CHD7: variants seen among roughly 807,000 people sequenced by gnomAD.
The protein encoded by CHD7 is chromodomain helicase DNA binding protein 7.
Under a neutral mutation model 307.3 loss-of-function variants are expected in CHD7, and 24 were observed. The observed-to-expected ratio is 0.08, with a 90% confidence interval of 0.06 to 0.11. The LOEUF is 0.11. Among genes scored for constraint, CHD7 ranks in the 10% least tolerant of loss-of-function variants. The pLI is 1.00. For missense variants in CHD7, 3,106 were observed against 3,727.1 expected (o/e 0.83, Z 4.34); for synonymous variants, 1,363 against 1,349.9 (o/e 1.01, Z -0.21).
At chr8:60,762,536 A>T (rs1810265571) in intron 2 of CHD7, among the ~76,000 whole-genome samples, 1 of 152,210 alleles carries the variant, frequency 6.6e-6, no homozygotes, top group African/African-American at 2.4e-5. Context: ...TGGGAATCAT[A>T]CTTGGACCTA....
Position 60,681,113 on chromosome 8 carries a change from T to C in CHD7, c.-175+2031T>C, listed in dbSNP as rs548125552. 2.0e-5 allele frequency among the ~76,000 whole-genome samples: 3 copies of C among 152,338 alleles called. No homozygotes were observed. In the South Asian group the frequency reaches 6.2e-4, roughly 32 times the overall value. ...GAAGAGGAAACAAAATACGTGTCTT[T>C]ATTTCTTCACTGATCTTGTCTGACG... is the stretch of plus-strand genomic sequence containing the variant. On this transcript the variant is annotated intron_variant, in intron 1 of 37. Transcript: ENST00000423902.
intron 2 of CHD7, among the ~76,000 whole-genome samples, chr8:60,778,529 G>A (rs1478829708): frequency 6.6e-6 from 1 of 152,132 alleles, no homozygotes; most frequent in African/African-American, 2.4e-5. Context: ...ATTCATTACT[G>A]TGTGCTGGGG....
intron 7 of CHD7, among the ~76,000 whole-genome samples, chr8:60,810,858 T>A (rs1812769045): frequency 6.6e-6 from 1 of 152,164 alleles, no homozygotes; most frequent in Non-Finnish European, 1.5e-5. Flanking sequence ...CAGTGTCCTG[T>A]TAGGAACCTG....
intron 15 of CHD7, among the ~76,000 whole-genome samples, chr8:60,831,058 A>G (rs998782889): frequency 1.3e-5 from 2 of 152,210 alleles, no homozygotes; most frequent in Non-Finnish European, 2.9e-5. Context: ...AGAACAAAAA[A>G]ATTAACTTAA....
chr8:60,745,098 C>T (rs1809260167), intron 2 of CHD7, among the ~76,000 whole-genome samples: 1 of 151,764 alleles, frequency 6.6e-6, no homozygotes, highest in Non-Finnish European at 1.5e-5. Flanking sequence ...GGGCAGAACG[C>T]CTCTCCTCAA....
At position 60,852,070 on chromosome 8, in the gene CHD7, C is replaced by G. The variant is rs1389567181; in HGVS notation, c.5717C>G (p.Thr1906Ser). ...AELGQLYWPN[T>S]STLTTRLRRL... ...TTAGGCCAACTTTACTGGCCTAACACTTCAACCCTGACTACACGTCTGCGC... is the reference window on the plus strand; with the variant it reads ...TTAGGCCAACTTTACTGGCCTAACAGTTCAACCCTGACTACACGTCTGCGC... The change falls in exon 29 of 38, where the codon ACT (threonine) becomes AGT (serine). Residue 1906 changes from threonine (T) to serine (S), a missense_variant. Coordinates refer to ENST00000423902, the MANE Select transcript of CHD7 (RefSeq NM_017780.4). The G allele has an allele frequency of 1.2e-6, 2 of 1,613,934 alleles. No individual in the cohort carries two copies. The highest frequency in any genetic ancestry group is 1.7e-6 in the Non-Finnish European group (2 of 1,179,850).
intron 13 of CHD7, among the ~76,000 whole-genome samples, chr8:60,826,516 T>C (rs960945849): frequency 4.6e-5 from 7 of 152,230 alleles, no homozygotes; most frequent in African/African-American, 1.7e-4. Flanking sequence ...TTAGTAACTA[T>C]ATCCAACTAC....
rs893616829 is a variant in CHD7, at chr8:60,746,001, C to T, written c.1665+2904C>T. Among the ~76,000 whole-genome samples, 7 of 152,138 alleles carry T rather than the reference C, an allele frequency of 4.6e-5. No homozygotes were observed. In the South Asian group the frequency reaches 6.2e-4, roughly 14 times the overall value. On this transcript the variant is annotated intron_variant, in intron 2 of 37. Coordinates refer to ENST00000423902, the MANE Select transcript of CHD7 (RefSeq NM_017780.4). ...TGCAAACCTTGCTACATAATTATGT[C>T]ATTTCCCATGTAGATACAATGTAAA...
intron 1 of CHD7, among the ~76,000 whole-genome samples, chr8:60,725,038 A>T (rs1409616546): frequency 1.3e-5 from 2 of 152,216 alleles, no homozygotes; most frequent in Non-Finnish European, 2.9e-5. Context: ...AAGAACTGTT[A>T]TCTTTTACTC....
At chr8:60,721,596 TG>T (rs1217439378) in intron 1 of CHD7, among the ~76,000 whole-genome samples, 2 of 152,318 alleles carry the variant, frequency 1.3e-5, no homozygotes, top group Non-Finnish European at 2.9e-5. Flanking sequence ...TCAAAATGCT[TG>T]GTAAAGCAGA....
intron 3 of CHD7, among the ~76,000 whole-genome samples, chr8:60,787,708 T>C (rs894560563): frequency 5.3e-5 from 8 of 152,224 alleles, no homozygotes; most frequent in African/African-American, 1.9e-4. Flanking sequence ...GCCAAAGTGT[T>C]AATGTCTGTG....
At chr8:60,788,402 A>G (rs984569623) in intron 3 of CHD7, among the ~76,000 whole-genome samples, 2 of 152,118 alleles carry the variant, frequency 1.3e-5, no homozygotes, top group African/African-American at 4.8e-5. Context: ...TGGCTTCCCA[A>G]AGTGCTGGGT....
At chr8:60,861,330 A>G (rs989469258) in intron 35 of CHD7, 1 of 521,430 alleles carries the variant, frequency 1.9e-6, no homozygotes, top group Non-Finnish European at 3.4e-6. Context: ...GCAGCCTTAC[A>G]GTTATTTGAA....
At position 60,852,066 on chromosome 8, in the gene CHD7, A is replaced by G. The variant is rs1244745262; in HGVS notation, c.5713A>G (p.Asn1905Asp). The change falls in exon 29 of 38, where the codon AAC becomes GAC. Residue 1905 changes from asparagine (N) to aspartate (D), a missense_variant. By Grantham distance (23) the Asn-to-Asp change is conservative. This residue lies in a region of CHD7 where 1,030 missense variants were observed against 1,165.4 expected (regional missense o/e 0.88). Transcript: ENST00000423902. Reference sequence around the variant, plus strand: ...TGAGTTAGGCCAACTTTACTGGCCTAACACTTCAACCCTGACTACACGTCT... The same window carrying G: ...TGAGTTAGGCCAACTTTACTGGCCTGACACTTCAACCCTGACTACACGTCT... The part of the protein sequence containing the change: ...NAELGQLYWP[N>D]TSTLTTRLRR... The G allele has an allele frequency of 1.2e-6, 2 of 1,613,772 alleles. No homozygotes were observed. The highest frequency in any genetic ancestry group is 1.7e-6 in the Non-Finnish European group (2 of 1,179,852).
chr8:60,794,176 C>G (rs967184899), intron 3 of CHD7, among the ~76,000 whole-genome samples: 7 of 152,042 alleles, frequency 4.6e-5, no homozygotes, highest in Admixed American at 1.3e-4. Context: ...GAAGGTAGCG[C>G]TAAATGTACA....
intron 1 of CHD7, among the ~76,000 whole-genome samples, chr8:60,725,761 G>A (rs1443905490): frequency 6.6e-6 from 1 of 152,196 alleles, no homozygotes; most frequent in Non-Finnish European, 1.5e-5. Context: ...TAGGAGTAAA[G>A]GGTAGTGAGA....
chr8:60,788,943 C>T (rs1241233907), intron 3 of CHD7, among the ~76,000 whole-genome samples: 4 of 152,154 alleles, frequency 2.6e-5, no homozygotes, highest in Admixed American at 1.3e-4. Context: ...GTTGATTTTA[C>T]TCTATGATGT....
chr8:60,832,436 G>A (rs2150768659), intron 15 of CHD7, among the ~76,000 whole-genome samples: 1 of 152,280 alleles, frequency 6.6e-6, no homozygotes, highest in African/African-American at 2.4e-5. Context: ...AGAAGCTTGT[G>A]CAGCCGTTAC....
chr8:60,724,118 A>G (rs549383649), intron 1 of CHD7, among the ~76,000 whole-genome samples: 3 of 152,336 alleles, frequency 2.0e-5, no homozygotes, highest in Admixed American at 2.0e-4. Context: ...GAGGCATGAC[A>G]GCAGGATTCC....
Sources: gnomAD v4.1 joint callset for allele counts (sites outside exome capture counted in the v4.1 genomes callset) on GRCh38, gnomAD v4.1.1 for gene constraint, gnomAD v4.1.1 regional missense constraint, MANE v1.5 for transcripts, NCBI Gene and HGNC (gene_info 2026-07-23, HGNC 2026-07-21) for gene names.